REV3L: variants seen among roughly 807,000 people sequenced by gnomAD.
REV3L encodes the protein REV3 like, DNA directed polymerase zeta catalytic subunit, also known as DNA polymerase zeta catalytic subunit.
Under a neutral mutation model 299.4 loss-of-function variants are expected in REV3L, and 69 were observed. The observed-to-expected ratio is 0.23, with a 90% CI of 0.19 to 0.28. The LOEUF (loss-of-function observed/expected upper bound fraction) is 0.28. Ranked by LOEUF, REV3L falls within the 10% of genes least tolerant of loss-of-function variation. The probability of loss-of-function intolerance (pLI) is 1.00; values close to 1 mark genes in which losing one functional copy is unlikely to be tolerated. For synonymous variants in REV3L, 1,238 were observed against 1,271.4 expected, an observed-to-expected ratio of 0.97 and a Z score of 0.56; for missense variants, 3,128 against 3,693.8, an observed-to-expected ratio of 0.85 and a Z score of 3.97.
chr6:111,352,630 C>T (rs976199009), intron 18 of REV3L, among the ~76,000 whole-genome samples: 1 of 152,036 alleles, frequency 6.6e-6, no homozygotes, highest in Non-Finnish European at 1.5e-5. Context: ...GGTTCTCACA[C>T]AAAATAAGGC....
intron 9 of REV3L, among the ~76,000 whole-genome samples, chr6:111,386,421 G>T (rs1440179309): frequency 6.6e-6 from 1 of 152,040 alleles, no homozygotes; most frequent in Admixed American, 6.6e-5. Flanking sequence ...CACTAGGATG[G>T]CTACATTAAA....
upstream of REV3L, chr6:111,483,496 C>A (rs779323361): frequency 3.8e-6 from 2 of 530,574 alleles, no homozygotes; most frequent in South Asian, 3.3e-5. Flanking sequence ...GAGCACCGAT[C>A]TCATGGATGG....
At chr6:111,313,232 A>G in intron 28 of REV3L, 120 bp downstream of exon 28, 2 of 798,762 alleles carry the variant, frequency 2.5e-6, no homozygotes, top group Non-Finnish European at 1.9e-6. Context: ...TCCTATAGTT[A>G]TATTAATTAT....
intron 26 of REV3L, among the ~76,000 whole-genome samples, chr6:111,316,749 AC>A: frequency 6.6e-6 from 1 of 152,298 alleles, no homozygotes; most frequent in South Asian, 2.1e-4. Flanking sequence ...ATAAAAAGAC[AC>A]ACGGAAGAAA....
At position 111,310,102 on chromosome 6, in the gene REV3L, A is replaced by G; in HGVS notation, c.8796-3T>C. Reference sequence around the variant, plus strand: ...GCCGGTCATAAGTCAGCATTTTCCTATTCGAATTCAAAGAAAAAAACCACA... The same window carrying G: ...GCCGGTCATAAGTCAGCATTTTCCTGTTCGAATTCAAAGAAAAAAACCACA... On this transcript the variant is annotated splice_region_variant and splice_polypyrimidine_tract_variant and intron_variant, in intron 29 of 31. Transcript: ENST00000368802. The G allele has an allele frequency of 6.7e-7, 1 of 1,498,184 alleles. No homozygotes were observed. 92.8% of individuals were successfully genotyped at this position (1,498,184 alleles called of 1,614,324 possible).
Position 111,299,988 on chromosome 6 carries a change from G to C in REV3L, c.*28C>G. The C allele has an allele frequency of 6.3e-7, 1 of 1,591,806 alleles. No individual in the cohort carries two copies. The highest frequency in any genetic ancestry group is 8.5e-7 in the Non-Finnish European group (1 of 1,170,524). The stretch of plus-strand genomic sequence containing the variant: ...TTAGTGGTAAGCACTGAAAAAAATA[G>C]CACCTGTAATACTGTGATATTGACA... On this transcript the variant is annotated 3_prime_UTR_variant, in exon 32 of 32. Coordinates refer to ENST00000368802, the MANE Select transcript of REV3L (RefSeq NM_001372078.1).
intron 25 of REV3L, among the ~76,000 whole-genome samples, chr6:111,323,994 T>C (rs920815274): frequency 1.3e-5 from 2 of 151,998 alleles, no homozygotes; most frequent in Non-Finnish European, 2.9e-5. Context: ...TTTATTTATT[T>C]ATTCTGATTT....
chr6:111,434,377 G>T (rs1787296847), intron 1 of REV3L, among the ~76,000 whole-genome samples: 1 of 152,140 alleles, frequency 6.6e-6, no homozygotes, highest in Non-Finnish European at 1.5e-5. Flanking sequence ...CACTTTGGGA[G>T]GCCGAAGTGG....
chr6:111,304,995 G>T lies in REV3L; in HGVS notation c.9252+2366C>A, dbSNP rs145079236. Among the ~76,000 whole-genome samples the T allele has an allele frequency of 9.4e-5, 14 of 149,644 alleles. No individual in the cohort carries two copies. In the East Asian group the frequency reaches 2.5e-3, roughly 27 times the overall value. ...TCGCTCTTGTTCCCCAGGCTGGAGT[G>T]CAATGCTGCAATCTCAGCTCACTGC... On this transcript the variant is annotated intron_variant, in intron 31 of 31. Coordinates refer to ENST00000368802, the MANE Select transcript of REV3L (RefSeq NM_001372078.1).
rs1779366996 is a variant in REV3L, at chr6:111,367,707, T to A, written c.6081A>T (p.Pro2027=). 6.2e-7 allele frequency: 1 copy of A among 1,614,238 alleles called. No homozygotes were observed. The highest frequency in any genetic ancestry group is 8.5e-7 in the Non-Finnish European group (1 of 1,180,038). The change falls in exon 14 of 32, where the codon CCA becomes CCT. Residue 2027 remains proline, a synonymous_variant. Transcript: ENST00000368802. ...ERSKKLPKTK[P]TGVVKSAENF... Reference sequence around the variant, plus strand: ...TCTCAGCAGATTTTACAACTCCAGTTGGCTTGGTTTTAGGCAGTTTCTTGG... The same window carrying A: ...TCTCAGCAGATTTTACAACTCCAGTAGGCTTGGTTTTAGGCAGTTTCTTGG...
chr6:111,357,676 G>A (rs240996), intron 17 of REV3L, among the ~76,000 whole-genome samples: 4,575 of 152,130 alleles, frequency 0.03, 79 homozygotes, highest in South Asian at 0.078. Context: ...CTGGGCAACA[G>A]AGCGAGACTC....
intron 21 of REV3L, among the ~76,000 whole-genome samples, chr6:111,341,192 G>A (rs1248248200): frequency 1.3e-5 from 2 of 151,976 alleles, no homozygotes; most frequent in Non-Finnish European, 2.9e-5. Context: ...GATTACAGGT[G>A]TGCACCACCA....
intron 1 of REV3L, among the ~76,000 whole-genome samples, chr6:111,428,815 T>C (rs77238846): frequency 0.03 from 4,573 of 152,132 alleles, 78 homozygotes; most frequent in South Asian, 0.079. Flanking sequence ...GGCAAAAAGC[T>C]TATTTCAAGA....
chr6:111,449,122 A>C (rs556060211), intron 1 of REV3L, among the ~76,000 whole-genome samples: 3 of 152,232 alleles, frequency 2.0e-5, no homozygotes, highest in Non-Finnish European at 4.4e-5. Context: ...ATAATAGGGA[A>C]TACATTTACC....
At chr6:111,438,454 A>G (rs1031184310) in intron 1 of REV3L, among the ~76,000 whole-genome samples, 15 of 151,494 alleles carry the variant, frequency 9.9e-5, no homozygotes, top group Admixed American at 2.0e-4. Flanking sequence ...GGCTGGGACT[A>G]TAAGTGTGCA....
chr6:111,310,241 G>T, intron 29 of REV3L, 142 bp from the exon 30 acceptor site: 2 of 1,091,666 alleles, frequency 1.8e-6, no homozygotes, highest in Non-Finnish European at 1.2e-6. Flanking sequence ...CTATTTCTTT[G>T]AGAATAATAT....
intron 20 of REV3L, among the ~76,000 whole-genome samples, chr6:111,346,092 T>A (rs1582617220): frequency 6.6e-6 from 1 of 152,182 alleles, no homozygotes. Context: ...TATCTCTACC[T>A]ACCAACATCC....
intron 20 of REV3L, among the ~76,000 whole-genome samples, chr6:111,347,018 C>G (rs1331628675): frequency 1.3e-5 from 2 of 151,968 alleles, no homozygotes; most frequent in African/African-American, 4.8e-5. Context: ...ACCTGTAGTC[C>G]CAGCATTTTG....
chr6:111,389,349 C>T (rs1402363673), intron 6 of REV3L, 139 bp from the exon 7 acceptor site: 4 of 651,244 alleles, frequency 6.1e-6, no homozygotes, highest in Admixed American at 2.9e-5. Context: ...ATTATCCCAA[C>T]CTACACTTAC....
Sources: allele counts gnomAD v4.1 joint callset (sites outside exome capture counted in the v4.1 genomes callset), GRCh38; gene constraint gnomAD v4.1.1; transcripts MANE v1.5; gene names NCBI Gene and HGNC (gene_info 2026-07-23, HGNC 2026-07-21).